Variants in LDLRAD3 observed in about 807,000 individuals in gnomAD.
The protein encoded by LDLRAD3 is low density lipoprotein receptor class A domain containing 3.
LDLRAD3 carries 20 observed loss-of-function variants against 29.4 expected under a neutral mutation model. That is an observed-to-expected ratio of 0.68 (90% confidence interval 0.48 to 0.99). The LOEUF (loss-of-function observed/expected upper bound fraction) is 0.99, where lower values mean the gene tolerates loss of function less well. LDLRAD3 is among the 50% of genes least tolerant of loss of function. The pLI is 0.00. For synonymous variants in LDLRAD3, 157 were observed against 192.7 expected, an observed-to-expected ratio of 0.81 and a Z score of 1.53; for missense variants, 420 against 454.3, an observed-to-expected ratio of 0.92 and a Z score of 0.69.
chr11:36,061,523 C>T (rs1450198569), intron 2 of LDLRAD3, among the ~76,000 whole-genome samples: 1 of 152,162 alleles, frequency 6.6e-6, no homozygotes, highest in African/African-American at 2.4e-5. Context: ...AGCTGCTAAG[C>T]AGCAGCTGCA....
At chr11:36,157,174 G>A (rs1445342922) in intron 4 of LDLRAD3, among the ~76,000 whole-genome samples, 1 of 152,176 alleles carries the variant, frequency 6.6e-6, no homozygotes, top group African/African-American at 2.4e-5. Flanking sequence ...GCTGTAAGGG[G>A]CTGATGGGGT....
At chr11:36,003,917 G>C (rs955819652) in intron 1 of LDLRAD3, among the ~76,000 whole-genome samples, 5 of 152,048 alleles carry the variant, frequency 3.3e-5, no homozygotes, top group African/African-American at 1.2e-4. Context: ...GAAGGGGGAA[G>C]TGCCACACAC....
intron 4 of LDLRAD3, among the ~76,000 whole-genome samples, chr11:36,180,277 CA>C (rs1208869616): frequency 2.6e-5 from 4 of 151,182 alleles, no homozygotes; most frequent in African/African-American, 9.7e-5. Context: ...ACCTGAGTTG[CA>C]GAGGTCACAA....
At chr11:35,988,120 T>TGGTC (rs1851637489) in intron 1 of LDLRAD3, among the ~76,000 whole-genome samples, 1 of 151,710 alleles carries the variant, frequency 6.6e-6, no homozygotes, top group Non-Finnish European at 1.5e-5. Context: ...TGCAGTGGCA[T>TGGTC]GGTCACAACT....
intron 1 of LDLRAD3, chr11:35,997,273 A>G: frequency 2.8e-6 from 1 of 359,976 alleles, no homozygotes. Context: ...CAGACTGGGC[A>G]GTTCCCAGGA....
rs371323082 is a variant in LDLRAD3 at position 35,944,418 on chromosome 11, C to T, written c.46+274C>T. On this transcript the variant is annotated intron_variant, in intron 1 of 5. Transcript: ENST00000315571. This position sits in a 1 kb window ranked among gnomAD's most constrained non-coding sequence, Gnocchi z 4.9. Reference sequence around the variant, plus strand: ...GTGTGCAGTCCGGGTCTGGGGAGCCCGGCGGCTGCCCCGATTGGGCGTAGC... The same window carrying T: ...GTGTGCAGTCCGGGTCTGGGGAGCCTGGCGGCTGCCCCGATTGGGCGTAGC... Among the ~76,000 whole-genome samples the T allele has an allele frequency of 1.3e-5, 2 of 151,968 alleles. No individual in the cohort carries two copies. The highest frequency in any genetic ancestry group is 2.4e-5 in the African/African-American group (1 of 41,398).
At position 36,068,626 on chromosome 11, in the gene LDLRAD3, C is replaced by T. The variant is rs1350449943; in HGVS notation, c.194-13027C>T. Among the ~76,000 whole-genome samples, 8 of 152,312 alleles carry T rather than the reference C, an allele frequency of 5.3e-5. No homozygotes were observed. In the East Asian group the frequency reaches 1.5e-3, roughly 29 times the overall value. On this transcript the variant is annotated intron_variant, in intron 2 of 5. Transcript: ENST00000315571. ...CCGCCTCTTGGGTTCAAGCGATTCT[C>T]CTGCCTCAACCTCCCGAGTAGCTGG... is the stretch of plus-strand genomic sequence containing the variant.
intron 1 of LDLRAD3, chr11:35,967,900 T>C (rs544040961): frequency 5.1e-6 from 2 of 390,786 alleles, no homozygotes; most frequent in East Asian, 7.1e-5. Flanking sequence ...GGTGGGGTGA[T>C]GTCCAAACAC....
intron 2 of LDLRAD3, among the ~76,000 whole-genome samples, chr11:36,069,574 C>T (rs1241451364): frequency 1.3e-5 from 2 of 151,716 alleles, no homozygotes; most frequent in Non-Finnish European, 2.9e-5. Flanking sequence ...TTGTCATTCT[C>T]ACATCTTTAC....
chr11:36,015,513 C>T (rs964488827), intron 1 of LDLRAD3, among the ~76,000 whole-genome samples: 2 of 152,028 alleles, frequency 1.3e-5, no homozygotes, highest in African/African-American at 2.4e-5. Flanking sequence ...AGAAACTTAA[C>T]GCACATACCG....
intron 1 of LDLRAD3, among the ~76,000 whole-genome samples, chr11:36,009,629 G>C (rs1477545039): frequency 6.6e-6 from 1 of 152,178 alleles, no homozygotes; most frequent in African/African-American, 2.4e-5. Flanking sequence ...ACCCTTATAA[G>C]TGGATTGGGT....
intron 4 of LDLRAD3, among the ~76,000 whole-genome samples, chr11:36,205,100 C>A (rs1194608461): frequency 6.6e-6 from 1 of 152,194 alleles, no homozygotes; most frequent in African/African-American, 2.4e-5. Flanking sequence ...TCAGCTGGGA[C>A]TCCAGCGCCA....
chr11:36,204,595 C>T (rs1855179214), intron 4 of LDLRAD3, among the ~76,000 whole-genome samples: 1 of 151,268 alleles, frequency 6.6e-6, no homozygotes, highest in Admixed American at 6.6e-5. Context: ...TTAAGCGATT[C>T]TGCTGCCTCA....
At chr11:36,101,473 T>C (rs1002594024) in intron 4 of LDLRAD3, among the ~76,000 whole-genome samples, 2 of 152,222 alleles carry the variant, frequency 1.3e-5, no homozygotes, top group Non-Finnish European at 2.9e-5. Flanking sequence ...AGTTCAGATA[T>C]CCACGATTTA....
intron 4 of LDLRAD3, among the ~76,000 whole-genome samples, chr11:36,126,042 G>A (rs1006134359): frequency 3.3e-5 from 5 of 152,120 alleles, no homozygotes; most frequent in Admixed American, 3.3e-4. Context: ...TGTGATCTGC[G>A]CCTGCGATGC....
rs572159700 is a variant in LDLRAD3, at chr11:36,158,765, T to C, written c.454+60304T>C. Among the ~76,000 whole-genome samples the C allele has an allele frequency of 2.6e-5, 4 of 152,272 alleles. No individual in the cohort carries two copies. In the East Asian group the frequency reaches 7.7e-4, roughly 29 times the overall value. ...GAATGAATTAATGCTGTTAAAATGA[T>C]AGCCTCTTCTTACTACAACTGTCTT... is the stretch of plus-strand genomic sequence containing the variant. On this transcript the variant is annotated intron_variant, in intron 4 of 5. Coordinates refer to ENST00000315571, the MANE Select transcript of LDLRAD3 (RefSeq NM_174902.4).
chr11:36,010,624 A>G (rs936092272), intron 1 of LDLRAD3, among the ~76,000 whole-genome samples: 3 of 152,174 alleles, frequency 2.0e-5, no homozygotes, highest in Non-Finnish European at 4.4e-5. Flanking sequence ...TCTGGCACTT[A>G]AAGCTTTTCC....
chr11:36,134,745 A>T (rs1853979454), intron 4 of LDLRAD3, among the ~76,000 whole-genome samples: 1 of 152,214 alleles, frequency 6.6e-6, no homozygotes, highest in South Asian at 2.1e-4. Flanking sequence ...ATTCAGTTGC[A>T]GTTATGTTTA....
chr11:36,046,414 A>G (rs2133219300), intron 2 of LDLRAD3, among the ~76,000 whole-genome samples: 1 of 152,260 alleles, frequency 6.6e-6, no homozygotes, highest in African/African-American at 2.4e-5. Context: ...AGAACAGACT[A>G]ATACACTGTC....
Sources: allele counts gnomAD v4.1 joint callset (sites outside exome capture counted in the v4.1 genomes callset), GRCh38; gene constraint gnomAD v4.1.1; non-coding constraint Gnocchi (gnomAD v3.1); transcripts MANE v1.5; gene names NCBI Gene and HGNC (gene_info 2026-07-23, HGNC 2026-07-21).